ANK3: variants seen among roughly 807,000 people sequenced by gnomAD.
ANK3 encodes ankyrin-3.
ANK3 carries 57 observed loss-of-function variants against 370.9 expected under a neutral mutation model. The ratio of observed to expected loss-of-function variants is 0.15; its 90% CI spans 0.12 to 0.19. ANK3 has a LOEUF of 0.19. ANK3 is among the 10% of genes least tolerant of loss of function. The pLI, the probability that ANK3 is intolerant of heterozygous loss-of-function variation, is 1.00. For missense variants in ANK3, 4,439 were observed against 5,302.1 expected (o/e 0.84, Z 5.06); for synonymous variants, 1,929 against 1,946.3 (o/e 0.99, Z 0.23).
intron 27 of ANK3, 146 bp downstream of exon 27, chr10:60,108,684 C>G: frequency 1.5e-6 from 1 of 682,766 alleles, no homozygotes; most frequent in Non-Finnish European, 2.5e-6. Flanking sequence ...AATCACACAG[C>G]TTTGTGACCT....
intron 1 of ANK3, among the ~76,000 whole-genome samples, chr10:60,695,289 C>T (rs2079428927): frequency 6.6e-6 from 1 of 151,932 alleles, no homozygotes; most frequent in Non-Finnish European, 1.5e-5. Context: ...TAGACTCCCA[C>T]ACATTAATAA....
chr10:60,355,287 A>C (rs1185872942), intron 1 of ANK3, among the ~76,000 whole-genome samples: 1 of 152,254 alleles, frequency 6.6e-6, no homozygotes, highest in East Asian at 1.9e-4. Context: ...TTGAAACAAA[A>C]ACAAAACCTT....
intron 7 of ANK3, among the ~76,000 whole-genome samples, chr10:60,242,144 T>A (rs1433785328): frequency 4.6e-5 from 7 of 152,170 alleles, no homozygotes; most frequent in Non-Finnish European, 8.8e-5. Context: ...GTTTTTAGTC[T>A]CTAACCTACT....
chr10:60,642,121 G>A (rs879714314), intron 1 of ANK3, among the ~76,000 whole-genome samples: 129 of 149,212 alleles, frequency 8.6e-4, no homozygotes, highest in Non-Finnish European at 1.5e-3. Flanking sequence ...TCATTAAAAA[G>A]TCAGGAAACA....
intron 2 of ANK3, among the ~76,000 whole-genome samples, chr10:60,604,471 A>G (rs572441092): frequency 6.6e-6 from 1 of 152,312 alleles, no homozygotes; most frequent in African/African-American, 2.4e-5. Context: ...AAAGTTGACA[A>G]AAAGAAAACA....
intron 2 of ANK3, among the ~76,000 whole-genome samples, chr10:60,610,477 C>T (rs1413480704): frequency 2.0e-5 from 3 of 149,808 alleles, no homozygotes; most frequent in South Asian, 4.3e-4. Context: ...TGTGCCATTG[C>T]ACTACAGCCT....
At chr10:60,615,181 A>C in intron 2 of ANK3, 4 of 1,504,422 alleles carry the variant, frequency 2.7e-6, no homozygotes, top group Non-Finnish European at 2.6e-6. Context: ...GATAATTTTC[A>C]TTACCTTTCT....
intron 1 of ANK3, among the ~76,000 whole-genome samples, chr10:60,381,666 C>T (rs1334711411): frequency 1.3e-5 from 2 of 152,132 alleles, no homozygotes; most frequent in Non-Finnish European, 2.9e-5. Context: ...AGAACCTGTA[C>T]TTTAGGAGGG....
At chr10:60,347,949 G>T (rs1371653195) in intron 1 of ANK3, among the ~76,000 whole-genome samples, 2 of 152,140 alleles carry the variant, frequency 1.3e-5, no homozygotes, top group Non-Finnish European at 2.9e-5. Flanking sequence ...GAGAGCATCA[G>T]ATGGGCTCTG....
At chr10:60,420,929 T>C (rs1169505596) in intron 2 of ANK3, among the ~76,000 whole-genome samples, 1 of 152,004 alleles carries the variant, frequency 6.6e-6, no homozygotes, top group Non-Finnish European at 1.5e-5. Flanking sequence ...TTATACACAA[T>C]AGCCAAAAGG....
intron 2 of ANK3, among the ~76,000 whole-genome samples, chr10:60,591,680 C>T (rs1339824771): frequency 6.6e-6 from 1 of 152,094 alleles, no homozygotes; most frequent in African/African-American, 2.4e-5. Context: ...ACCTAAGTAT[C>T]CATCAACATA....
At chr10:60,279,734 C>G in intron 1 of ANK3, 95 bp from the exon 2 acceptor site, 1 of 888,358 alleles carries the variant, frequency 1.1e-6, no homozygotes, top group South Asian at 1.6e-5. Flanking sequence ...AATAATTGAA[C>G]TCTTTTATTT....
chr10:60,212,642 T>A (rs181316543), intron 9 of ANK3, among the ~76,000 whole-genome samples: 1 of 152,268 alleles, frequency 6.6e-6, no homozygotes, highest in East Asian at 1.9e-4. Flanking sequence ...CTGTCTAGCC[T>A]TCCTAATATT....
intron 42 of ANK3, chr10:60,043,406 T>C (rs779377158): frequency 6.1e-5 from 60 of 983,480 alleles, no homozygotes; most frequent in Non-Finnish European, 7.1e-5. Context: ...ATGTAAACAT[T>C]GTCTATTGAA....
intron 8 of ANK3, among the ~76,000 whole-genome samples, chr10:60,220,487 A>G (rs2097029157): frequency 2.6e-5 from 4 of 152,214 alleles, no homozygotes; most frequent in South Asian, 2.1e-4. Context: ...AACATTTACA[A>G]TCTATTCTCT....
At chr10:60,656,262 C>A (rs745933768) in intron 1 of ANK3, among the ~76,000 whole-genome samples, 6,518 of 152,140 alleles carry the variant, frequency 0.043, 174 homozygotes, top group Middle Eastern at 0.075. Context: ...GCATTAGTAC[C>A]TTTCATCTAA....
At chr10:60,370,136 G>T (rs748436545) in intron 1 of ANK3, among the ~76,000 whole-genome samples, 25 of 152,270 alleles carry the variant, frequency 1.6e-4, no homozygotes, top group South Asian at 4.1e-4. Flanking sequence ...GCACATTTCA[G>T]ACAAGTGAAA....
At chr10:60,283,188 A>G (rs1436348731) in intron 1 of ANK3, among the ~76,000 whole-genome samples, 1 of 152,138 alleles carries the variant, frequency 6.6e-6, no homozygotes, top group East Asian at 1.9e-4. Context: ...TTTCCCACCA[A>G]TTTTGCCCAT....
At chr10:60,124,854 C>T (rs922801903) in intron 25 of ANK3, among the ~76,000 whole-genome samples, 8 of 152,188 alleles carry the variant, frequency 5.3e-5, no homozygotes, top group Non-Finnish European at 1.2e-4. Context: ...CAGCCCTAGT[C>T]TCCTCGTCTG....
Sources: gnomAD v4.1 joint callset for allele counts (sites outside exome capture counted in the v4.1 genomes callset) on GRCh38, gnomAD v4.1.1 for gene constraint, MANE v1.5 for transcripts, NCBI Gene and HGNC (gene_info 2026-07-23, HGNC 2026-07-21) for gene names.